The following CCDC187 variants were observed in gnomAD, a reference collection of about 807,000 sequenced individuals.
The protein encoded by CCDC187 is coiled-coil domain containing 187, also known as coiled-coil domain-containing protein 187.
In CCDC187, 32 loss-of-function variants were observed where a neutral mutation model predicts 38.0. That is an observed-to-expected ratio of 0.84 (90% CI 0.64 to 1.13). CCDC187 has a LOEUF of 1.13. Among genes scored for constraint, CCDC187 ranks in the 50% most tolerant of loss-of-function variants. The pLI is 0.00. For synonymous variants in CCDC187, 333 were observed against 347.9 expected (o/e 0.96, Z 0.48); for missense variants, 707 against 786.8 (o/e 0.90, Z 1.21).
chr9:136,275,871 C>T (rs1830922243), intron 12 of CCDC187, among the ~76,000 whole-genome samples: 1 of 152,106 alleles, frequency 6.6e-6, no homozygotes, highest in African/African-American at 2.4e-5. Flanking sequence ...GTTGCATGCT[C>T]CCATGGAGAG....
At chr9:136,298,413 G>A (rs1429894253) in intron 3 of CCDC187, among the ~76,000 whole-genome samples, 4 of 146,664 alleles carry the variant, frequency 2.7e-5, no homozygotes, top group African/African-American at 5.1e-5. Flanking sequence ...TCAAAGTCCC[G>A]CAGCGAGTGC....
intron 15 of CCDC187, 38 bp downstream of exon 15, chr9:136,268,011 G>A: frequency 1.0e-6 from 1 of 985,256 alleles, no homozygotes; most frequent in Non-Finnish European, 1.2e-6. Context: ...GCTGGGTCCT[G>A]AAATTGTGCC....
In CCDC187 at chr9:136,281,191, C is replaced by T. The variant is rs1296186883; in HGVS notation, c.3040+360G>A. On this transcript the variant is annotated intron_variant, in intron 10 of 25. Transcript: ENST00000638797. The stretch of plus-strand genomic sequence containing the variant: ...GGCAGTGGGCACTGCTCGTTGGAAA[C>T]CCCGGATGAAAACACTCAGTAGCAG... 1.9e-5 allele frequency: 7 copies of T among 377,038 alleles called. No homozygotes were observed. In the Admixed American group the frequency reaches 2.7e-4, roughly 15 times the overall value. 23.4% of individuals were successfully genotyped at this position (377,038 alleles called of 1,614,324 possible).
chr9:136,255,144 G>T lies in CCDC187; in HGVS notation c.4694-10C>A. 1 of 985,234 alleles carries T rather than the reference G, an allele frequency of 1.0e-6. No individual in the cohort carries two copies. Among genetic ancestry groups the T allele is most frequent in the Non-Finnish European group, 1.2e-6 (1 of 829,760 alleles). The allele number at this position is 985,234 out of a possible 1,614,324, so 61.0% of individuals were successfully genotyped here. A position where few individuals can be genotyped will look rare whatever the true frequency, so the allele number is the denominator to read the frequency against. ...GGGACCACAGGAGCTGCTAAGAGAG[G>T]GGGCAATCAACAGTGGTCACCCTCT... On this transcript the variant is annotated splice_polypyrimidine_tract_variant and intron_variant, in intron 25 of 25. Transcript: ENST00000638797.
chr9:136,263,931 C>T, intron 17 of CCDC187, 133 bp from the exon 18 acceptor site: 3 of 565,830 alleles, frequency 5.3e-6, no homozygotes, highest in Non-Finnish European at 6.7e-6. Flanking sequence ...CTCCAATTGG[C>T]CTTTGCCCGC....
At position 136,291,615 on chromosome 9, in the gene CCDC187, C is replaced by T. The variant is rs966615008; in HGVS notation, c.998G>A (p.Cys333Tyr). 18 of 398,792 alleles carry T rather than the reference C, an allele frequency of 4.5e-5. No homozygotes were observed. The highest frequency in any genetic ancestry group is 7.5e-5 in the Non-Finnish European group (17 of 226,150). 24.7% of individuals were successfully genotyped at this position (398,792 alleles called of 1,614,324 possible). Residue 333 changes from cysteine to tyrosine, a missense_variant, in exon 6 of 26, where the codon TGC becomes TAC. Coordinates refer to ENST00000638797, the MANE Select transcript of CCDC187 (RefSeq NM_001378188.1). ...GDSEKVIAAK[C>Y]SPVCAQLPDA... ...GGGCAACTGGGCACAAACCGGTGAG[C>T]ACTTGGCAGCTATGACTTTCTCGCT...
chr9:136,275,169 C>T (rs1164535229), intron 12 of CCDC187, among the ~76,000 whole-genome samples, 162 bp from the exon 13 acceptor site: 2 of 152,162 alleles, frequency 1.3e-5, no homozygotes, highest in Admixed American at 6.5e-5. Flanking sequence ...CAAGTGGGGC[C>T]GACAGCCCCC....
At chr9:136,293,337 TCA>T (rs1190995924) in intron 4 of CCDC187, among the ~76,000 whole-genome samples, 1 of 123,232 alleles carries the variant, frequency 8.1e-6, no homozygotes, top group Non-Finnish European at 1.7e-5. Flanking sequence ...GCTTACACAC[TCA>T]CACTCACATG....
chr9:136,280,463 G>A (rs1293778512), intron 10 of CCDC187, among the ~76,000 whole-genome samples: 2 of 152,160 alleles, frequency 1.3e-5, no homozygotes, highest in Admixed American at 6.5e-5. Flanking sequence ...CTTCAGGTGT[G>A]AGCCCGACAA....
At chr9:136,288,009 T>G (rs1461567958) in intron 7 of CCDC187, among the ~76,000 whole-genome samples, 1 of 151,264 alleles carries the variant, frequency 6.6e-6, no homozygotes, top group Admixed American at 6.6e-5. Context: ...ATTTTTTAGG[T>G]GGGGAAAAAA....
In CCDC187 at chr9:136,300,712, C is replaced by T. The variant is rs967956786; in HGVS notation, c.626-394G>A. Among the ~76,000 whole-genome samples the T allele has an allele frequency of 1.1e-4, 17 of 152,238 alleles. No homozygotes were observed. In the East Asian group the frequency reaches 1.2e-3, roughly 10 times the overall value. On this transcript the variant is annotated intron_variant, in intron 2 of 25. Transcript: ENST00000638797. ...TCCCAGATTCAAGCGATTCTCCTAC[C>T]TCAGCCTCCCGAGTAACTGGGATTA...
At chr9:136,255,779 T>A in intron 24 of CCDC187, 46 bp from the exon 25 acceptor site, 1 of 943,658 alleles carries the variant, frequency 1.1e-6, no homozygotes, top group Non-Finnish European at 1.3e-6. Flanking sequence ...CTGGTCCTCC[T>A]GGCCTCTTCC....
At position 136,253,732 on chromosome 9, in the gene CCDC187, C is replaced by G. The variant is rs115479652; in HGVS notation, c.6096G>C (p.Ser2032=). The G allele has an allele frequency of 1.0e-6, 1 of 985,530 alleles. No homozygotes were observed. The highest frequency in any genetic ancestry group is 1.2e-6 in the Non-Finnish European group (1 of 830,000). The allele number at this position is 985,530 out of a possible 1,614,324, so 61.0% of individuals were successfully genotyped here. Residue 2032 remains serine, a synonymous_variant, in exon 26 of 26, where the codon TCG becomes TCC. Transcript: ENST00000638797. The part of the protein sequence containing the change: ...QSDGEDTNPC[S]DAFPSPPSGP... ...CCGAGGGCGGGGAAGGGAAGGCATCCGAGCATGGGTTGGTGTCTTCACCAT... is the reference window on the plus strand; with the variant it reads ...CCGAGGGCGGGGAAGGGAAGGCATCGGAGCATGGGTTGGTGTCTTCACCAT...
chr9:136,267,506 C>T lies in CCDC187; in HGVS notation c.3525G>A (p.Leu1175=). The change falls in exon 16 of 26, where the codon CTG becomes CTA. Residue 1175 remains leucine, a synonymous_variant. Transcript: ENST00000638797. ...FPPDNPTHQM[L]ERSLREEELR... ...GCTCCTCCTCCCGCAGGCTCCGCTC[C>T]AGCATCTGCAGCTTGAAGCGGCCCA... 1.0e-6 allele frequency: 1 copy of T among 985,656 alleles called. No individual in the cohort carries two copies. Among genetic ancestry groups the T allele is most frequent in the South Asian group, 4.7e-5 (1 of 21,306 alleles). 61.1% of individuals were successfully genotyped at this position (985,656 alleles called of 1,614,324 possible).
chr9:136,301,083 C>T (rs1831669653), intron 2 of CCDC187, among the ~76,000 whole-genome samples: 1 of 152,182 alleles, frequency 6.6e-6, no homozygotes, highest in East Asian at 1.9e-4. Flanking sequence ...ATGCTGTGCC[C>T]TGGGTGGGAT....
At chr9:136,277,113 C>T (rs1278607446) in intron 10 of CCDC187, among the ~76,000 whole-genome samples, 3 of 151,786 alleles carry the variant, frequency 2.0e-5, no homozygotes, top group Admixed American at 1.3e-4. Flanking sequence ...CCAGACAGAC[C>T]GGGTCTGTCA....
chr9:136,282,653 G>A (rs1344061677), intron 9 of CCDC187, among the ~76,000 whole-genome samples: 1 of 152,204 alleles, frequency 6.6e-6, no homozygotes, highest in East Asian at 1.9e-4. Context: ...TGTTAGGCAG[G>A]GGGTAGACAC....
Position 136,258,629 on chromosome 9 carries a change from G to A in CCDC187, c.4366+303C>T, listed in dbSNP as rs1470410315. ...CGTCAGCTGAAGACGCTCAGGCAGT[G>A]CTGGCTTCCAAACACTTAAAAATCT... On this transcript the variant is annotated intron_variant, in intron 22 of 25. Transcript: ENST00000638797. The surrounding 1 kb of genome is among the most constrained non-coding windows in gnomAD (Gnocchi z 4.3). 2.3e-6 allele frequency: 2 copies of A among 887,242 alleles called. No homozygotes were observed. Among genetic ancestry groups the A allele is most frequent in the African/African-American group, 3.6e-5 (2 of 55,350 alleles). The allele number at this position is 887,242 out of a possible 1,614,324, so 55.0% of individuals were successfully genotyped here.
intron 19 of CCDC187, among the ~76,000 whole-genome samples, chr9:136,261,889 C>T (rs373633401): frequency 7.2e-5 from 11 of 152,366 alleles, no homozygotes; most frequent in East Asian, 3.9e-4. Context: ...ATTTCGAGCC[C>T]GGAAAGAAGA....
Sources: gnomAD v4.1 joint callset for allele counts (sites outside exome capture counted in the v4.1 genomes callset) on GRCh38, gnomAD v4.1.1 for gene constraint, Gnocchi (gnomAD v3.1) non-coding constraint, MANE v1.5 for transcripts, NCBI Gene and HGNC (gene_info 2026-07-23, HGNC 2026-07-21) for gene names.